C6: variants seen among roughly 807,000 people sequenced by gnomAD.
C6 encodes the protein complement C6, also known as complement component C6.
A neutral mutation model predicts 112.9 loss-of-function variants in C6; 101 were observed. The observed-to-expected ratio is 0.89, with a 90% CI of 0.76 to 1.06. The LOEUF (loss-of-function observed/expected upper bound fraction) is 1.06, where lower values mean the gene tolerates loss of function less well. Among genes scored for constraint, C6 ranks in the 50% least tolerant of loss-of-function variants. The probability of loss-of-function intolerance (pLI) is 0.00; values close to 1 mark genes in which losing one functional copy is unlikely to be tolerated. For missense variants in C6, 1,202 were observed against 1,104.6 expected (o/e 1.09, Z -1.25); for synonymous variants, 431 against 384.1 (o/e 1.12, Z -1.43).
chr5:41,201,895 T>C (rs1751063337), intron 2 of C6, among the ~76,000 whole-genome samples, 181 bp from the exon 3 acceptor site: 1 of 152,038 alleles, frequency 6.6e-6, no homozygotes, highest in African/African-American at 2.4e-5. Flanking sequence ...AGGACATACT[T>C]TGTGAGGCTC....
chr5:41,222,764 G>A (rs972400784), intron 1 of C6, among the ~76,000 whole-genome samples: 1 of 152,082 alleles, frequency 6.6e-6, no homozygotes, highest in Admixed American at 6.5e-5. Flanking sequence ...AAAATATTAT[G>A]TTTAGTGGGA....
chr5:41,191,929 C>G (rs1035677811), intron 5 of C6, among the ~76,000 whole-genome samples: 1 of 152,092 alleles, frequency 6.6e-6, no homozygotes, highest in Non-Finnish European at 1.5e-5. Context: ...CCAGCAAGGA[C>G]TTACAGGACT....
At chr5:41,226,881 A>C (rs1327296644) in intron 1 of C6, among the ~76,000 whole-genome samples, 1 of 152,142 alleles carries the variant, frequency 6.6e-6, no homozygotes, top group South Asian at 2.1e-4. Context: ...GGTTGATTCC[A>C]TATCTTGGTT....
In C6 at chr5:41,149,272, A is replaced by G. The variant is rs1334102975; in HGVS notation, c.2592T>C (p.Tyr864=). Residue 864 remains tyrosine (Y), a synonymous_variant, in exon 17 of 18, where the codon TAT becomes TAC. Transcript: ENST00000337836. The part of the protein sequence containing the change: ...SNSTKKESCG[Y]DTCYDWEKCS... The stretch of plus-strand genomic sequence containing the variant: ...ATTTTTCCCAGTCATAGCAGGTGTC[A>G]TAGCCACAGGATTCTTTCTTTGTGC... 3 of 1,614,100 alleles carry G rather than the reference A, an allele frequency of 1.9e-6. No individual in the cohort carries two copies. The East Asian group carries it at 6.7e-5, about 36-fold the overall frequency.
chr5:41,154,099 C>A (rs1381859860), intron 14 of C6, 101 bp from the exon 15 acceptor site: 1 of 966,436 alleles, frequency 1.0e-6, no homozygotes, highest in East Asian at 2.6e-5. Flanking sequence ...ATGAGATTTA[C>A]TGCATCTGTT....
upstream of C6, among the ~76,000 whole-genome samples, chr5:41,217,879 TTTG>T (rs1269825316): frequency 1.3e-5 from 2 of 152,114 alleles, no homozygotes; most frequent in Non-Finnish European, 2.9e-5. Context: ...AGCTTTCTAG[TTTG>T]TTTCTTGTCC....
At chr5:41,171,797 T>C (rs1006086037) in intron 9 of C6, among the ~76,000 whole-genome samples, 1 of 152,208 alleles carries the variant, frequency 6.6e-6, no homozygotes, top group East Asian at 1.9e-4. Context: ...CAAAATCTGA[T>C]GTATTTCAAT....
intron 1 of C6, among the ~76,000 whole-genome samples, chr5:41,222,115 G>A (rs1442557706): frequency 6.6e-6 from 1 of 150,876 alleles, no homozygotes; most frequent in South Asian, 2.1e-4. Flanking sequence ...ACAGTGAGCC[G>A]AGATCATGCC....
At chr5:41,168,067 C>A (rs899601726) in intron 9 of C6, among the ~76,000 whole-genome samples, 1 of 152,084 alleles carries the variant, frequency 6.6e-6, no homozygotes, top group Non-Finnish European at 1.5e-5. Flanking sequence ...TTTACACAAT[C>A]ATAACTGAAA....
At chr5:41,187,472 G>A (rs1227236823) in intron 5 of C6, among the ~76,000 whole-genome samples, 1 of 152,114 alleles carries the variant, frequency 6.6e-6, no homozygotes, top group Non-Finnish European at 1.5e-5. Context: ...CACTATGGGA[G>A]GCTTTTGCGA....
chr5:41,255,823 A>G (rs988774346), intron 1 of C6, among the ~76,000 whole-genome samples: 3 of 152,226 alleles, frequency 2.0e-5, no homozygotes, highest in African/African-American at 7.2e-5. Flanking sequence ...AGGAGATTAT[A>G]TTACTGTAAA....
chr5:41,176,867 T>G (rs1032983646), intron 7 of C6, 152 bp from the exon 8 acceptor site: 3 of 799,698 alleles, frequency 3.8e-6, no homozygotes, highest in Non-Finnish European at 3.9e-6. Context: ...CGTACAAAAT[T>G]ATAATTTTCA....
At chr5:41,160,103 GA>G in intron 11 of C6, 38 bp downstream of exon 11, 1 of 1,525,126 alleles carries the variant, frequency 6.6e-7, no homozygotes, top group South Asian at 1.1e-5. Flanking sequence ...CTTTGGAGGG[GA>G]AAACTTATCT....
At chr5:41,171,670 A>C (rs1748433453) in intron 9 of C6, among the ~76,000 whole-genome samples, 1 of 152,124 alleles carries the variant, frequency 6.6e-6, no homozygotes, top group Admixed American at 6.6e-5. Context: ...ATTCTGCAAA[A>C]CATAACTTGT....
At chr5:41,242,319 T>C (rs10074213) in intron 1 of C6, among the ~76,000 whole-genome samples, 20,755 of 152,094 alleles carry the variant, frequency 0.14, 3,115 homozygotes, top group African/African-American at 0.38. Context: ...CTGGCATTTT[T>C]CCTGCTTGTA....
At chr5:41,197,811 AG>A (rs1387588425) in intron 4 of C6, among the ~76,000 whole-genome samples, 1 of 152,156 alleles carries the variant, frequency 6.6e-6, no homozygotes, top group African/African-American at 2.4e-5. Context: ...AGAAAGCATA[AG>A]GGGAGAGATA....
At chr5:41,199,953 T>G in intron 3 of C6, 41 bp from the exon 4 acceptor site, 1 of 1,609,034 alleles carries the variant, frequency 6.2e-7, no homozygotes, top group Non-Finnish European at 8.5e-7. Flanking sequence ...TGAGGCAGGG[T>G]CAAGGTCAAA....
rs529383759 is a variant in C6 at position 41,173,460 on chromosome 5, C to T, written c.1169-1113G>A. The stretch of plus-strand genomic sequence containing the variant: ...TGAGGGAAATCAACATTTTCTTTTT[C>T]TTAACAGCTTCCCCAGGCACCTGAC... On this transcript the variant is annotated intron_variant, in intron 8 of 17. Transcript: ENST00000337836. Among the ~76,000 whole-genome samples the T allele has an allele frequency of 2.6e-5, 4 of 152,246 alleles. No individual in the cohort carries two copies. The East Asian group carries it at 7.7e-4, about 29-fold the overall frequency.
intron 8 of C6, among the ~76,000 whole-genome samples, chr5:41,174,883 T>C (rs530897664): frequency 1.2e-4 from 19 of 152,122 alleles, no homozygotes; most frequent in East Asian, 1.2e-3. Context: ...ATCTAGAGAG[T>C]TGGGAAAGCC....
Sources: gnomAD v4.1 joint callset for allele counts (sites outside exome capture counted in the v4.1 genomes callset) on GRCh38, gnomAD v4.1.1 for gene constraint, MANE v1.5 for transcripts, NCBI Gene and HGNC (gene_info 2026-07-23, HGNC 2026-07-21) for gene names.